Variants in PDE8A observed in about 807,000 individuals in gnomAD.
PDE8A encodes phosphodiesterase 8A.
PDE8A carries 59 observed loss-of-function variants against 105.0 expected under a neutral mutation model. The observed-to-expected ratio is 0.56, with a 90% CI of 0.46 to 0.70. The LOEUF (loss-of-function observed/expected upper bound fraction) is 0.70. PDE8A is among the 30% of genes least tolerant of loss of function. PDE8A has a pLI of 0.00. For synonymous variants in PDE8A, 355 were observed against 371.9 expected, an observed-to-expected ratio of 0.95 and a Z score of 0.52; for missense variants, 1,014 against 1,045.9, an observed-to-expected ratio of 0.97 and a Z score of 0.42.
intron 1 of PDE8A, among the ~76,000 whole-genome samples, chr15:85,055,637 A>G (rs943535889): frequency 1.3e-5 from 2 of 151,774 alleles, no homozygotes; most frequent in African/African-American, 2.4e-5. Context: ...TGCAACCCCT[A>G]CTATTTTTTG....
chr15:85,107,944 T>C (rs542989714), intron 11 of PDE8A, among the ~76,000 whole-genome samples: 1 of 152,090 alleles, frequency 6.6e-6, no homozygotes, highest in Admixed American at 6.5e-5. Context: ...GAGGAAATCA[T>C]GAAAGAAACT....
At chr15:85,085,167 T>A (rs1381985551) in intron 6 of PDE8A, among the ~76,000 whole-genome samples, 1 of 152,212 alleles carries the variant, frequency 6.6e-6, no homozygotes, top group African/African-American at 2.4e-5. Flanking sequence ...CTCCATGGTC[T>A]GTACACTGCT....
At chr15:85,076,467 A>G (rs543734838) in intron 4 of PDE8A, among the ~76,000 whole-genome samples, 29 of 152,046 alleles carry the variant, frequency 1.9e-4, no homozygotes, top group African/African-American at 6.7e-4. Flanking sequence ...AATTTTATAT[A>G]TTAAAAAGAT....
rs1346832119 is a variant in PDE8A, at chr15:85,138,492, G to A, written c.*589G>A. 6.6e-6 allele frequency: 1 copy of A among 152,592 alleles called. No individual in the cohort carries two copies. The highest frequency in any genetic ancestry group is 1.5e-5 in the Non-Finnish European group (1 of 68,024). 9.5% of individuals were successfully genotyped at this position (152,592 alleles called of 1,614,324 possible). On this transcript the variant is annotated 3_prime_UTR_variant, in exon 22 of 22. Transcript: ENST00000394553. ...TCTATGAATTCAAAAATACTTCAGA[G>A]CCAAAGCCAACTTCAAATACCGTGA... is the stretch of plus-strand genomic sequence containing the variant.
intron 13 of PDE8A, 80 bp from the exon 14 acceptor site, chr15:85,113,793 T>TA: frequency 9.0e-7 from 1 of 1,107,128 alleles, no homozygotes; most frequent in Non-Finnish European, 1.3e-6. Flanking sequence ...TAGCTGGAAT[T>TA]ACAGACACGT....
chr15:85,132,850 G>C (rs1403761100), intron 20 of PDE8A, among the ~76,000 whole-genome samples: 4 of 91,750 alleles, frequency 4.4e-5, no homozygotes, highest in African/African-American at 1.2e-4. Flanking sequence ...GTGTGTGTGT[G>C]TGTGTGTGTG....
At chr15:85,079,710 C>T (rs1207376283) in intron 5 of PDE8A, among the ~76,000 whole-genome samples, 1 of 152,154 alleles carries the variant, frequency 6.6e-6, no homozygotes, top group Admixed American at 6.5e-5. Flanking sequence ...GTCAAGAGTT[C>T]CAGACCAGCC....
chr15:85,117,838 A>C lies in PDE8A; in HGVS notation c.1733A>C (p.Lys578Thr), dbSNP rs772937143. Residue 578 changes from lysine (K) to threonine (T), a missense_variant and splice_region_variant, in exon 17 of 22, where the codon AAG (lysine) becomes ACG (threonine). Physicochemically the swap from Lys to Thr is moderately conservative, Grantham distance 78 (BLOSUM62 -1). Coordinates refer to ENST00000394553, the MANE Select transcript of PDE8A (RefSeq NM_002605.3). ...TATTTTCTCTCCAAGGAGAGGATAA[A>C]GGTGAGCTGTTGTTTACCTGCCACA... ...TAYFLSKERI[K>T]ETLDPIDEVA... 1 of 1,612,262 alleles carries C rather than the reference A, an allele frequency of 6.2e-7. No homozygotes were observed.
At chr15:85,075,049 TC>T (rs1180458169) in intron 3 of PDE8A, among the ~76,000 whole-genome samples, 1 of 152,234 alleles carries the variant, frequency 6.6e-6, no homozygotes, top group Non-Finnish European at 1.5e-5. Context: ...TGCTCGCTTC[TC>T]CCAGTGTAGG....
At chr15:85,106,678 G>A (rs2081952029) in intron 11 of PDE8A, among the ~76,000 whole-genome samples, 1 of 152,192 alleles carries the variant, frequency 6.6e-6, no homozygotes, top group African/African-American at 2.4e-5. Context: ...AGGAGCCGGT[G>A]TCAAGGCTGT....
rs1180427383 is a variant in PDE8A, at chr15:85,064,378, A to G, written c.195A>G (p.Val65=). 1 of 1,607,146 alleles carries G rather than the reference A, an allele frequency of 6.2e-7. No homozygotes were observed. Among genetic ancestry groups the G allele is most frequent in the Non-Finnish European group, 8.5e-7 (1 of 1,174,286 alleles). ...LRDGSGKKVA[V]ADVQFGPMRF... is the part of the protein sequence containing the mutation. ...CAATCTCTTTCTTACAGGTAGCAGT[A>G]GCTGATGTGCAGTTTGGCCCCATGA... Residue 65 remains valine (V), a synonymous_variant, in exon 2 of 22, where the codon GTA becomes GTG. Transcript: ENST00000394553.
chr15:85,023,448 A>G (rs2080461886), intron 1 of PDE8A, among the ~76,000 whole-genome samples: 1 of 152,168 alleles, frequency 6.6e-6, no homozygotes, highest in African/African-American at 2.4e-5. Context: ...AGGTAGGAGA[A>G]CAGAGAGTGG....
At position 85,075,881 on chromosome 15, in the gene PDE8A, C is replaced by A; in HGVS notation, c.454C>A (p.Leu152Ile). 6.4e-7 allele frequency: 1 copy of A among 1,567,864 alleles called. No homozygotes were observed. The highest frequency in any genetic ancestry group is 8.7e-7 in the Non-Finnish European group (1 of 1,143,840). The change falls in exon 4 of 22, where the codon CTC becomes ATC. Residue 152 changes from leucine (L) to isoleucine (I), a missense_variant. Coordinates refer to ENST00000394553, the MANE Select transcript of PDE8A (RefSeq NM_002605.3). ...TTTAAGGTCTATCAGATCATCAAAA[C>A]TCTCAGAAAACACAGTTATTGTTGG... is the stretch of plus-strand genomic sequence containing the variant. ...ALCRSIRSSK[L>I]SENTVIVGVV...
intron 17 of PDE8A, among the ~76,000 whole-genome samples, chr15:85,119,624 A>G (rs546210015): frequency 2.6e-5 from 4 of 152,194 alleles, no homozygotes; most frequent in African/African-American, 9.6e-5. Flanking sequence ...GGTATTTCCA[A>G]AAATGATCTT....
chr15:85,012,759 C>G (rs545413391), intron 1 of PDE8A, among the ~76,000 whole-genome samples: 2 of 151,850 alleles, frequency 1.3e-5, no homozygotes, highest in East Asian at 3.9e-4. Flanking sequence ...TTGTTAGACT[C>G]CGAAAAGTAG....
At chr15:85,061,999 C>G (rs1209831349) in intron 1 of PDE8A, among the ~76,000 whole-genome samples, 5 of 152,076 alleles carry the variant, frequency 3.3e-5, no homozygotes, top group Non-Finnish European at 5.9e-5. Flanking sequence ...GTTCGTACAT[C>G]ATTTTCTTGA....
At chr15:85,105,549 T>C (rs12910060) in intron 11 of PDE8A, among the ~76,000 whole-genome samples, 82,712 of 152,012 alleles carry the variant, frequency 0.54, 23,626 homozygotes, top group African/African-American at 0.74. Flanking sequence ...TGATTGGTTA[T>C]CCTCTCTCAT....
At chr15:84,988,119 G>A in intron 1 of PDE8A, among the ~76,000 whole-genome samples, 1 of 152,192 alleles carries the variant, frequency 6.6e-6, no homozygotes, top group South Asian at 2.1e-4. Context: ...TTTCAACCCT[G>A]TGAGGTGGCA....
intron 20 of PDE8A, among the ~76,000 whole-genome samples, chr15:85,132,257 G>A (rs1307772329): frequency 6.6e-6 from 1 of 152,022 alleles, no homozygotes; most frequent in African/African-American, 2.4e-5. Context: ...CAAATACTGT[G>A]CCTGTTGGCT....
Sources: allele counts gnomAD v4.1 joint callset (sites outside exome capture counted in the v4.1 genomes callset), GRCh38; gene constraint gnomAD v4.1.1; transcripts MANE v1.5; gene names NCBI Gene and HGNC (gene_info 2026-07-23, HGNC 2026-07-21).